Variants in SEMA6D observed in about 807,000 individuals in gnomAD.
The protein encoded by SEMA6D is semaphorin-6D.
In SEMA6D, 35 loss-of-function variants were observed where a neutral mutation model predicts 106.6. That is an observed-to-expected ratio of 0.33 (90% confidence interval 0.25 to 0.44). SEMA6D has a LOEUF of 0.44. Among genes scored for constraint, SEMA6D ranks in the 20% least tolerant of loss-of-function variants. The probability of loss-of-function intolerance (pLI) is 1.00; values close to 1 mark genes in which losing one functional copy is unlikely to be tolerated. For missense variants in SEMA6D, 1,185 were observed against 1,345.9 expected, an observed-to-expected ratio of 0.88 and a Z score of 1.87; for synonymous variants, 499 against 487.7, an observed-to-expected ratio of 1.02 and a Z score of -0.31.
chr15:47,608,340 T>C (rs1369312776), intron 4 of SEMA6D, among the ~76,000 whole-genome samples: 1 of 152,320 alleles, frequency 6.6e-6, no homozygotes, highest in East Asian at 1.9e-4. Context: ...ACTGGACTAA[T>C]TACATCTACT....
At chr15:47,491,825 T>C (rs2043485353) in intron 3 of SEMA6D, among the ~76,000 whole-genome samples, 1 of 152,220 alleles carries the variant, frequency 6.6e-6, no homozygotes, top group African/African-American at 2.4e-5. Flanking sequence ...CTTTGGTCAG[T>C]GCTCTAATTG....
At chr15:47,687,081 A>G (rs1268586515) in intron 4 of SEMA6D, among the ~76,000 whole-genome samples, 3 of 151,648 alleles carry the variant, frequency 2.0e-5, no homozygotes, top group South Asian at 2.1e-4. Flanking sequence ...AAAAAAAAAA[A>G]AAGAAGTACT....
chr15:47,325,642 T>C (rs2037101339), intron 1 of SEMA6D, among the ~76,000 whole-genome samples: 1 of 152,212 alleles, frequency 6.6e-6, no homozygotes, highest in Non-Finnish European at 1.5e-5. Context: ...TGTTGTTCCC[T>C]TGGCCACCAA....
intron 2 of SEMA6D, among the ~76,000 whole-genome samples, chr15:47,466,557 C>T (rs1022079699): frequency 6.6e-6 from 1 of 152,078 alleles, no homozygotes; most frequent in Non-Finnish European, 1.5e-5. Context: ...CCAGTCATCT[C>T]CTGGTGAACA....
intron 4 of SEMA6D, among the ~76,000 whole-genome samples, chr15:47,626,311 A>G (rs1414504040): frequency 2.6e-5 from 4 of 152,154 alleles, no homozygotes; most frequent in East Asian, 1.9e-4. Context: ...CTAAGACACT[A>G]TGGTTTGTGG....
At chr15:47,388,775 C>T (rs2039931259) in intron 1 of SEMA6D, among the ~76,000 whole-genome samples, 1 of 148,836 alleles carries the variant, frequency 6.7e-6, no homozygotes, top group African/African-American at 2.6e-5. Context: ...TAGGAGGAGG[C>T]ATAATGGAGA....
intron 3 of SEMA6D, among the ~76,000 whole-genome samples, chr15:47,547,319 C>A (rs140069941): frequency 6.6e-6 from 1 of 152,216 alleles, no homozygotes; most frequent in African/African-American, 2.4e-5. Context: ...ACCACCATCA[C>A]CACTAATCAC....
rs1011741590 is a variant in SEMA6D at position 47,202,796 on chromosome 15, G to C, written c.-239+18378G>C. 2.6e-5 allele frequency among the ~76,000 whole-genome samples: 4 copies of C among 152,214 alleles called. No individual in the cohort carries two copies. The South Asian group carries it at 8.3e-4, about 32-fold the overall frequency. On this transcript the variant is annotated intron_variant, in intron 1 of 19. Transcript: ENST00000558014. ...TGTTTCTTCTGAGAAGGCAAGAATT[G>C]AGGTTGCTTCAGACCCTTACAGATT...
intron 3 of SEMA6D, among the ~76,000 whole-genome samples, chr15:47,548,892 T>C (rs914320186): frequency 2.0e-5 from 3 of 152,242 alleles, no homozygotes; most frequent in South Asian, 4.1e-4. Flanking sequence ...TCCTGGAAGA[T>C]CTTCCTATTA....
chr15:47,555,335 C>G (rs2045885436), intron 3 of SEMA6D, among the ~76,000 whole-genome samples: 1 of 152,134 alleles, frequency 6.6e-6, no homozygotes, highest in Non-Finnish European at 1.5e-5. Flanking sequence ...GTTAAATTCT[C>G]AGTTCCCAGG....
Position 47,771,180 on chromosome 15 carries a change from G to A in SEMA6D, c.2617G>A (p.Val873Ile), listed in dbSNP as rs776924169. ...CAGTAAGAGAGATCACCGGCGTTCT[G>A]TTGATTCCAGAAATACCCTCAATGA... ...SSSKRDHRRS[V>I]DSRNTLNDLL... Residue 873 changes from valine to isoleucine, a missense_variant, in exon 19 of 19, where the codon GTT (valine) becomes ATT (isoleucine). Physicochemically the swap from Val to Ile is conservative, Grantham distance 29. Transcript: ENST00000536845. 1 of 1,614,078 alleles carries A rather than the reference G, an allele frequency of 6.2e-7. No individual in the cohort carries two copies. Among genetic ancestry groups the A allele is most frequent in the Non-Finnish European group, 8.5e-7 (1 of 1,179,986 alleles).
intron 1 of SEMA6D, among the ~76,000 whole-genome samples, chr15:47,323,852 C>A (rs942838088): frequency 2.6e-5 from 4 of 151,996 alleles, no homozygotes; most frequent in Admixed American, 1.3e-4. Context: ...AAAATTATCA[C>A]CTCTCCATTT....
At position 47,202,175 on chromosome 15, in the gene SEMA6D, G is replaced by C. The variant is rs1172699643; in HGVS notation, c.-239+17757G>C. Reference sequence around the variant, plus strand: ...GAGCAGGTCAGGAGAGGGCCTCCCTGACCCCATCAGGAATGTTAGGCGACC... The same window carrying C: ...GAGCAGGTCAGGAGAGGGCCTCCCTCACCCCATCAGGAATGTTAGGCGACC... On this transcript the variant is annotated intron_variant, in intron 1 of 19. Coordinates refer to the SEMA6D transcript ENST00000558014. Among the ~76,000 whole-genome samples the C allele has an allele frequency of 2.6e-5, 4 of 151,940 alleles. No individual in the cohort carries two copies. In the East Asian group the frequency reaches 7.7e-4, roughly 29 times the overall value.
At chr15:47,706,437 A>C (rs1464431495) in intron 4 of SEMA6D, among the ~76,000 whole-genome samples, 10 of 152,262 alleles carry the variant, frequency 6.6e-5, no homozygotes, top group Admixed American at 6.5e-4. Context: ...GTAATTAAGC[A>C]TACATTCTAT....
At chr15:47,416,916 C>T (rs903066230) in intron 2 of SEMA6D, among the ~76,000 whole-genome samples, 1 of 152,094 alleles carries the variant, frequency 6.6e-6, no homozygotes, top group Non-Finnish European at 1.5e-5. Context: ...GCAATGGTCC[C>T]ATCTATCACT....
At chr15:47,679,007 C>A (rs554310840) in intron 4 of SEMA6D, among the ~76,000 whole-genome samples, 13 of 152,204 alleles carry the variant, frequency 8.5e-5, no homozygotes, top group African/African-American at 3.1e-4. Context: ...AATGCTGGTC[C>A]TCTGAGAAGG....
intron 1 of SEMA6D, among the ~76,000 whole-genome samples, chr15:47,281,287 CTTCT>C (rs2035097942): frequency 8.3e-6 from 1 of 120,944 alleles, no homozygotes; most frequent in Non-Finnish European, 1.7e-5. Flanking sequence ...ATGTAATGGC[CTTCT>C]TTGTCTCTTT....
At chr15:47,516,396 G>A (rs1251808178) in intron 3 of SEMA6D, among the ~76,000 whole-genome samples, 1 of 152,106 alleles carries the variant, frequency 6.6e-6, no homozygotes, top group Non-Finnish European at 1.5e-5. Flanking sequence ...GCAGCCCATG[G>A]CACATCAAAG....
At chr15:47,701,654 ATAAAGT>A (rs1172087921) in intron 4 of SEMA6D, among the ~76,000 whole-genome samples, 1 of 152,254 alleles carries the variant, frequency 6.6e-6, no homozygotes. Context: ...CCACTTATAA[ATAAAGT>A]TAAAATTAAA....
Sources: gnomAD v4.1 joint callset for allele counts (sites outside exome capture counted in the v4.1 genomes callset) on GRCh38, gnomAD v4.1.1 for gene constraint, MANE v1.5 for transcripts, NCBI Gene and HGNC (gene_info 2026-07-23, HGNC 2026-07-21) for gene names.